Variants in TRPM3 observed in about 807,000 individuals in gnomAD.
TRPM3 encodes the protein transient receptor potential cation channel subfamily M member 3.
In TRPM3, 77 loss-of-function variants were observed where a neutral mutation model predicts 181.2. The observed-to-expected ratio is 0.42, with a 90% confidence interval of 0.35 to 0.51. TRPM3 has a LOEUF of 0.51. Ranked by LOEUF, TRPM3 falls within the 20% of genes least tolerant of loss-of-function variation. TRPM3 has a pLI of 0.01. For missense variants in TRPM3, 1,759 were observed against 2,196.7 expected (o/e 0.80, Z 3.98); for synonymous variants, 745 against 796.4 (o/e 0.94, Z 1.09).
intron 7 of TRPM3, chr9:70,783,748 G>T (rs1184313468): frequency 1.6e-5 from 11 of 703,152 alleles, no homozygotes; most frequent in Non-Finnish European, 1.9e-5. Context: ...GAACCATCTG[G>T]TACAGACTGG....
chr9:71,353,730 C>T (rs2091769785), intron 1 of TRPM3, among the ~76,000 whole-genome samples: 1 of 152,162 alleles, frequency 6.6e-6, no homozygotes, highest in African/African-American at 2.4e-5. Context: ...CTAAGTTTCC[C>T]TTCTTTTGTA....
At chr9:71,337,812 C>T (rs572870229) in intron 1 of TRPM3, among the ~76,000 whole-genome samples, 1 of 152,266 alleles carries the variant, frequency 6.6e-6, no homozygotes, top group South Asian at 2.1e-4. Flanking sequence ...AATCATCATT[C>T]TCAGCAAACT....
At chr9:71,357,000 T>C (rs957910591) in intron 1 of TRPM3, among the ~76,000 whole-genome samples, 1 of 152,074 alleles carries the variant, frequency 6.6e-6, no homozygotes, top group African/African-American at 2.4e-5. Flanking sequence ...GTAACATGGC[T>C]CCTGTCAAGT....
At chr9:70,590,578 C>T (rs2057946508) in intron 22 of TRPM3, among the ~76,000 whole-genome samples, 1 of 152,056 alleles carries the variant, frequency 6.6e-6, no homozygotes, top group South Asian at 2.1e-4. Flanking sequence ...AGATGTTTGC[C>T]CTTACTCTTG....
chr9:70,941,666 T>C (rs13301216), intron 1 of TRPM3, among the ~76,000 whole-genome samples: 8,167 of 152,274 alleles, frequency 0.054, 301 homozygotes, highest in South Asian at 0.082. Flanking sequence ...ATTTTGTTGA[T>C]ACATAAGTGG....
At chr9:71,203,527 C>A (rs961088302) in intron 1 of TRPM3, among the ~76,000 whole-genome samples, 1 of 152,164 alleles carries the variant, frequency 6.6e-6, no homozygotes, top group African/African-American at 2.4e-5. Context: ...ATGGATAAAA[C>A]TGAGAAATGA....
intron 1 of TRPM3, among the ~76,000 whole-genome samples, chr9:71,346,116 AAAC>A (rs148199428): frequency 6.6e-4 from 100 of 152,336 alleles, no homozygotes; most frequent in African/African-American, 2.4e-3. Context: ...CCAAAATTGG[AAAC>A]AACAATTTCT....
chr9:71,136,556 G>C (rs2074778624), intron 1 of TRPM3, among the ~76,000 whole-genome samples: 1 of 152,142 alleles, frequency 6.6e-6, no homozygotes, highest in Non-Finnish European at 1.5e-5. Context: ...TCCTCCTCCT[G>C]AACACATTTC....
At chr9:70,932,894 A>C (rs1003814960) in intron 1 of TRPM3, among the ~76,000 whole-genome samples, 2 of 152,190 alleles carry the variant, frequency 1.3e-5, no homozygotes, top group Non-Finnish European at 2.9e-5. Context: ...AGACCATAAA[A>C]GGCCATTTTT....
In TRPM3 at chr9:71,121,324, G is replaced by A. The variant is rs12551538; in HGVS notation, c.31C>T (p.Leu11=). The change falls in exon 1 of 26, where the codon CTA becomes TTA. Residue 11 remains leucine (L), a synonymous_variant. Transcript: ENST00000677713. MPEPWGTVYF[L]GIAQVFSFLF... is the part of the protein sequence containing the mutation. ...AAACTGAAAACCTGAGCAATGCCTA[G>A]AAAATAAACGGTCCCCCACGGCTCT... The A allele has an allele frequency of 1.2e-6, 2 of 1,613,982 alleles. No homozygotes were observed. Among genetic ancestry groups the A allele is most frequent in the Non-Finnish European group, 8.5e-7 (1 of 1,179,982 alleles).
intron 1 of TRPM3, among the ~76,000 whole-genome samples, chr9:70,873,321 G>A (rs1171585704): frequency 6.6e-6 from 1 of 151,894 alleles, no homozygotes; most frequent in African/African-American, 2.4e-5. Context: ...AGAGAACACT[G>A]CCATCAGTGT....
chr9:70,850,620 AT>A (rs1020676318), intron 3 of TRPM3, among the ~76,000 whole-genome samples: 4 of 152,142 alleles, frequency 2.6e-5, no homozygotes, highest in African/African-American at 9.7e-5. Context: ...TAAAGATGAA[AT>A]AATAACATTT....
chr9:70,562,921 T>C (rs1588454217), intron 22 of TRPM3, among the ~76,000 whole-genome samples: 1 of 151,376 alleles, frequency 6.6e-6, no homozygotes, highest in African/African-American at 2.4e-5. Flanking sequence ...ACAGCCCCAA[T>C]TTCTCTCCCC....
chr9:70,862,453 G>C (rs1355144539), intron 3 of TRPM3, among the ~76,000 whole-genome samples: 3 of 152,118 alleles, frequency 2.0e-5, no homozygotes, highest in Non-Finnish European at 4.4e-5. Context: ...AAAGAAATAG[G>C]TGGAGTTAAT....
At chr9:70,615,636 T>C (rs2062674313) in intron 18 of TRPM3, among the ~76,000 whole-genome samples, 1 of 152,152 alleles carries the variant, frequency 6.6e-6, no homozygotes, top group Non-Finnish European at 1.5e-5. Context: ...GTTTGGAAAA[T>C]GTAGAGTGTC....
At chr9:71,153,230 C>T (rs2075824317) in intron 1 of TRPM3, among the ~76,000 whole-genome samples, 1 of 151,656 alleles carries the variant, frequency 6.6e-6, no homozygotes. Context: ...TAATTAGGTG[C>T]TAAGCTCAGT....
At chr9:71,072,826 A>G (rs1041668232) in intron 1 of TRPM3, among the ~76,000 whole-genome samples, 3 of 152,160 alleles carry the variant, frequency 2.0e-5, no homozygotes, top group African/African-American at 7.2e-5. Context: ...AGTCACAACC[A>G]AGGCACAAGT....
chr9:70,636,010 C>T (rs2057123975), intron 11 of TRPM3, among the ~76,000 whole-genome samples: 1 of 152,116 alleles, frequency 6.6e-6, no homozygotes, highest in Admixed American at 6.5e-5. Flanking sequence ...GTTTATTACC[C>T]ATCATGAATG....
intron 9 of TRPM3, among the ~76,000 whole-genome samples, chr9:70,673,736 G>A (rs1282401762): frequency 6.6e-6 from 1 of 151,860 alleles, no homozygotes. Flanking sequence ...AGACCAGCGT[G>A]GCCAACATAG....
Sources: allele counts gnomAD v4.1 joint callset (sites outside exome capture counted in the v4.1 genomes callset), GRCh38; gene constraint gnomAD v4.1.1; transcripts MANE v1.5; gene names NCBI Gene and HGNC (gene_info 2026-07-23, HGNC 2026-07-21).